The following GALK2 variants were observed in gnomAD, a reference collection of about 807,000 sequenced individuals.
GALK2 encodes N-acetylgalactosamine kinase.
Under a neutral mutation model 52.4 loss-of-function variants are expected in GALK2, and 36 were observed. The observed-to-expected ratio is 0.69, with a 90% confidence interval of 0.53 to 0.91. The LOEUF (loss-of-function observed/expected upper bound fraction) is 0.91, where lower values mean the gene tolerates loss of function less well. Ranked by LOEUF, GALK2 falls within the 40% of genes least tolerant of loss-of-function variation. The pLI is 0.00. For synonymous variants in GALK2, 176 were observed against 199.1 expected (o/e 0.88, Z 0.98); for missense variants, 579 against 559.1 (o/e 1.04, Z -0.36).
At chr15:49,210,973 T>TCACA (rs3075099) in intron 2 of GALK2, among the ~76,000 whole-genome samples, 3,739 of 146,594 alleles carry the variant, frequency 0.026, 88 homozygotes, top group African/African-American at 0.059. Context: ...ACACACACAC[T>TCACA]CACACACACA....
In GALK2 at chr15:49,222,937, T is replaced by C. The variant is rs144966889; in HGVS notation, c.266+5624T>C. On this transcript the variant is annotated intron_variant, in intron 3 of 9. Coordinates refer to ENST00000560031, the MANE Select transcript of GALK2 (RefSeq NM_002044.4). ...GGTTAATTCCCTTCTCTTCAATTCA[T>C]TGGAATTGTTTGAAGAGGATTGGTA... 2.4e-3 allele frequency among the ~76,000 whole-genome samples: 371 copies of C among 152,320 alleles called. 1 individual carries two copies. The highest frequency in any genetic ancestry group is 4.1e-3 in the Non-Finnish European group (278 of 68,020).
chr15:49,319,744 A>G lies in GALK2; in HGVS notation c.1108A>G (p.Ser370Gly). The G allele has an allele frequency of 6.2e-7, 1 of 1,614,164 alleles. No individual in the cohort carries two copies. Among genetic ancestry groups the G allele is most frequent in the Non-Finnish European group, 8.5e-7 (1 of 1,180,024 alleles). Reference protein sequence around the residue: ...LGELMNQSHMSCRDMYECSCP... With the variant: ...LGELMNQSHMGCRDMYECSCP... The stretch of plus-strand genomic sequence containing the variant: ...AGAGTTGATGAACCAGAGCCACATG[A>G]GCTGCCGGGACATGTATGAGTGCAG... Residue 370 changes from serine to glycine, a missense_variant, in exon 9 of 10, where the codon AGC (serine) becomes GGC (glycine). Ser to Gly is a moderately conservative substitution (Grantham distance 56). Transcript: ENST00000560031.
intron 1 of GALK2, among the ~76,000 whole-genome samples, chr15:49,162,995 G>T (rs1427221991): frequency 6.6e-6 from 1 of 152,192 alleles, no homozygotes; most frequent in African/African-American, 2.4e-5. Flanking sequence ...AATGCAGTTA[G>T]TAAATATCTT....
chr15:49,247,376 C>A (rs545548429), intron 5 of GALK2, among the ~76,000 whole-genome samples: 83 of 152,044 alleles, frequency 5.5e-4, no homozygotes, highest in African/African-American at 1.9e-3. Flanking sequence ...GGATTAAGTT[C>A]TTTTACCTGG....
At chr15:49,324,164 A>T (rs1308294863) in intron 9 of GALK2, among the ~76,000 whole-genome samples, 2 of 152,150 alleles carry the variant, frequency 1.3e-5, no homozygotes, top group African/African-American at 4.8e-5. Flanking sequence ...TAATTGCTGC[A>T]TTATCGCCCA....
At position 49,244,023 on chromosome 15, in the gene GALK2, G is replaced by A. The variant is rs117401652; in HGVS notation, c.504+4656G>A. ...GGAATAAAAGAGCTGGACAATAAGA[G>A]AGAAAAACAGGAAAATTTATGGATC... On this transcript the variant is annotated intron_variant, in intron 5 of 9. Coordinates refer to ENST00000560031, the MANE Select transcript of GALK2 (RefSeq NM_002044.4). 6.4e-4 allele frequency among the ~76,000 whole-genome samples: 98 copies of A among 152,134 alleles called. No homozygotes were observed. In the East Asian group the frequency reaches 0.017, roughly 26 times the overall value.
At position 49,283,635 on chromosome 15, in the gene GALK2, A is replaced by T; in HGVS notation, c.673A>T (p.Ile225Phe). 1 of 1,614,046 alleles carries T rather than the reference A, an allele frequency of 6.2e-7. No individual in the cohort carries two copies. Among genetic ancestry groups the T allele is most frequent in the Non-Finnish European group, 8.5e-7 (1 of 1,179,912 alleles). ...ACTCCCAAGTGGAGCAGTGTTTGTG[A>T]TTGCCAACAGTTGTGTGGAGATGAA... is the stretch of plus-strand genomic sequence containing the variant. ...VKLPSGAVFV[I>F]ANSCVEMNKA... Residue 225 changes from isoleucine to phenylalanine, a missense_variant, in exon 7 of 10, where the codon ATT (isoleucine) becomes TTT (phenylalanine). Transcript: ENST00000560031.
chr15:49,235,495 T>TG, intron 3 of GALK2: 1 of 388,466 alleles, frequency 2.6e-6, no homozygotes, highest in Non-Finnish European at 5.1e-6. Context: ...TGTTTCAGTT[T>TG]GGGGGTGTGC....
chr15:49,228,098 G>A (rs1027154442), intron 3 of GALK2, among the ~76,000 whole-genome samples: 8 of 152,066 alleles, frequency 5.3e-5, no homozygotes, highest in Non-Finnish European at 1.0e-4. Flanking sequence ...TTGTTTTGGT[G>A]GGGCTCCTTT....
At chr15:49,299,772 TTTCTTTC>T (rs2034917984) in intron 8 of GALK2, among the ~76,000 whole-genome samples, 1 of 133,254 alleles carries the variant, frequency 7.5e-6, no homozygotes, top group Non-Finnish European at 1.6e-5. Context: ...TCTTTCTTTC[TTTCTTTC>T]TTTCTTTCTT....
At chr15:49,351,649 T>C (rs1003182630) in intron 3 of GALK2, among the ~76,000 whole-genome samples, 2 of 152,118 alleles carry the variant, frequency 1.3e-5, no homozygotes, top group African/African-American at 4.8e-5. Flanking sequence ...GGAGGCTTAT[T>C]TGAGTGCTCT....
intron 5 of GALK2, among the ~76,000 whole-genome samples, chr15:49,271,761 A>G (rs2030668269): frequency 6.6e-6 from 1 of 152,214 alleles, no homozygotes; most frequent in African/African-American, 2.4e-5. Flanking sequence ...TACAGAAATC[A>G]TACCAAGCTA....
intron 3 of GALK2, among the ~76,000 whole-genome samples, chr15:49,337,509 T>A (rs2039945191): frequency 4.1e-5 from 1 of 24,598 alleles, no homozygotes. Context: ...ATTTACCCAC[T>A]TTTTTTTTTT....
Position 49,340,282 on chromosome 15 carries a change from G to A in GALK2, c.426+20477G>A, listed in dbSNP as rs568990627. Among the ~76,000 whole-genome samples, 105 of 152,252 alleles carry A rather than the reference G, an allele frequency of 6.9e-4. 3 individuals carry two copies. The South Asian group carries it at 0.02, about 29-fold the overall frequency. On this transcript the variant is annotated intron_variant, in intron 3 of 3. Transcript: ENST00000558399. ...AGGGGATTCCTGGTCTGCAGGTTGC[G>A]AAGACCATGGGAAAAGCGCAGTATC... is the stretch of plus-strand genomic sequence containing the variant.
chr15:49,337,090 C>T (rs2039843947), intron 3 of GALK2, among the ~76,000 whole-genome samples: 1 of 152,158 alleles, frequency 6.6e-6, no homozygotes. Flanking sequence ...ATCCAGTCTG[C>T]TGTTGATGGG....
intron 5 of GALK2, among the ~76,000 whole-genome samples, chr15:49,268,770 G>T (rs780943375): frequency 3.9e-5 from 6 of 152,198 alleles, no homozygotes; most frequent in Non-Finnish European, 8.8e-5. Flanking sequence ...GATTGGCAGT[G>T]TGTAAAATGG....
chr15:49,355,343 A>G (rs1249091343), intron 3 of GALK2, among the ~76,000 whole-genome samples: 1 of 152,236 alleles, frequency 6.6e-6, no homozygotes, highest in African/African-American at 2.4e-5. Flanking sequence ...AAACTTTGAA[A>G]AAAATTTAGC....
At chr15:49,194,995 A>G in intron 1 of GALK2, 1 of 387,170 alleles carries the variant, frequency 2.6e-6, no homozygotes, top group Non-Finnish European at 5.0e-6. Flanking sequence ...TTGTAAATTA[A>G]CTTTGGGAGA....
intron 1 of GALK2, chr15:49,195,283 G>A: frequency 3.3e-6 from 1 of 306,578 alleles, no homozygotes; most frequent in Non-Finnish European, 6.4e-6. Flanking sequence ...ATGTTGGCAA[G>A]GCTGGTCTGG....
Sources: allele counts gnomAD v4.1 joint callset (sites outside exome capture counted in the v4.1 genomes callset), GRCh38; gene constraint gnomAD v4.1.1; transcripts MANE v1.5; gene names NCBI Gene and HGNC (gene_info 2026-07-23, HGNC 2026-07-21).